Variants in PNPLA7 observed in about 807,000 individuals in gnomAD.
PNPLA7 encodes patatin-like phospholipase domain-containing protein 7.
In PNPLA7, 153 loss-of-function variants were observed where a neutral mutation model predicts 161.7. That is an observed-to-expected ratio of 0.95 (90% CI 0.83 to 1.08). The LOEUF (loss-of-function observed/expected upper bound fraction) is 1.08. PNPLA7 is among the 50% of genes least tolerant of loss of function. The pLI is 0.00. For synonymous variants in PNPLA7, 809 were observed against 782.1 expected, an observed-to-expected ratio of 1.03 and a Z score of -0.57; for missense variants, 1,739 against 1,856.6, an observed-to-expected ratio of 0.94 and a Z score of 1.16.
rs925092490 is a variant in PNPLA7, at chr9:137,496,040, G to A, written c.2014-894C>T. On this transcript the variant is annotated intron_variant, in intron 18 of 34. Coordinates refer to ENST00000406427, the MANE Select transcript of PNPLA7 (RefSeq NM_001098537.3). Reference sequence around the variant, plus strand: ...AAACACGGAGCAACACGGCACCTCCGACCTCAGAGGCTGCCTGAAGGCCAC... The same window carrying A: ...AAACACGGAGCAACACGGCACCTCCAACCTCAGAGGCTGCCTGAAGGCCAC... 3.3e-5 allele frequency among the ~76,000 whole-genome samples: 5 copies of A among 151,762 alleles called. No homozygotes were observed. In the East Asian group the frequency reaches 5.8e-4, roughly 18 times the overall value.
intron 20 of PNPLA7, chr9:137,492,191 T>C: frequency 4.1e-6 from 4 of 985,234 alleles, no homozygotes; most frequent in Non-Finnish European, 4.8e-6. Context: ...ATGAATATGC[T>C]GGAGCAGGGA....
chr9:137,518,321 CCCCA>C (rs1834753622), intron 11 of PNPLA7, among the ~76,000 whole-genome samples: 2 of 125,392 alleles, frequency 1.6e-5, no homozygotes, highest in Admixed American at 1.5e-4. Context: ...CCACTCCATC[CCCCA>C]CTCACTCACT....
intron 8 of PNPLA7, among the ~76,000 whole-genome samples, chr9:137,531,305 G>A (rs1835570687): frequency 1.3e-5 from 2 of 152,276 alleles, no homozygotes; most frequent in Admixed American, 6.5e-5. Flanking sequence ...GTTTGGGGGC[G>A]GGTGGGGAAA....
At chr9:137,497,423 A>G (rs975236429) in intron 17 of PNPLA7, 113 bp from the exon 18 acceptor site, 19 of 1,043,984 alleles carry the variant, frequency 1.8e-5, no homozygotes, top group Non-Finnish European at 2.1e-5. Flanking sequence ...CAGGCTTCTC[A>G]CTATCTTATT....
At chr9:137,482,903 T>C (rs1207561685) in intron 21 of PNPLA7, among the ~76,000 whole-genome samples, 1 of 152,236 alleles carries the variant, frequency 6.6e-6, no homozygotes, top group Non-Finnish European at 1.5e-5. Flanking sequence ...CACGGAGTCT[T>C]ACTCTGTTGC....
intron 8 of PNPLA7, among the ~76,000 whole-genome samples, chr9:137,527,862 C>T (rs528868306): frequency 6.6e-6 from 1 of 152,200 alleles, no homozygotes; most frequent in African/African-American, 2.4e-5. Flanking sequence ...GAAGTATTCC[C>T]CAGTGAAGTC....
rs913145405 is a variant in PNPLA7 at position 137,492,295 on chromosome 9, G to A, written c.2197+718C>T. The A allele has an allele frequency of 1.1e-4, 105 of 985,120 alleles. No individual in the cohort carries two copies. In the Middle Eastern group the frequency reaches 1.5e-3, roughly 15 times the overall value. The allele number at this position is 985,120 out of a possible 1,614,324, so 61.0% of individuals were successfully genotyped here. A position where few individuals can be genotyped will look rare whatever the true frequency, so the allele number is the denominator to read the frequency against. On this transcript the variant is annotated intron_variant, in intron 20 of 34. Coordinates refer to ENST00000406427, the MANE Select transcript of PNPLA7 (RefSeq NM_001098537.3). ...TCTCCGCTCCACCAATACCGTTTCC[G>A]GAGGTTTCACCCTGTTTCCTTTTTC...
At chr9:137,475,169 C>T (rs910886648) in intron 25 of PNPLA7, among the ~76,000 whole-genome samples, 6 of 151,876 alleles carry the variant, frequency 4.0e-5, no homozygotes, top group Non-Finnish European at 8.8e-5. Context: ...TCAGTGGATG[C>T]AAAAAGAGCC....
At position 137,462,218 on chromosome 9, in the gene PNPLA7, G is replaced by T. The variant is rs770675444; in HGVS notation, c.3606C>A (p.Ser1202Arg). The T allele has an allele frequency of 6.2e-7, 1 of 1,600,732 alleles. No homozygotes were observed. The highest frequency in any genetic ancestry group is 1.3e-5 in the African/African-American group (1 of 74,638). ...YCEYLRPPID[S>R]YSTLDFGKFN... ...ACTTGCCGAAGTCCAGGGTGCTGTA[G>T]CTGTCGATGGGGGGGCGCAGGTACT... The change falls in exon 31 of 35, where the codon AGC becomes AGA. Residue 1202 changes from serine (S) to arginine (R), a missense_variant. Ser to Arg is a moderately radical substitution (Grantham distance 110, BLOSUM62 -1). This residue lies in a region of PNPLA7 where 703 missense variants were observed against 694.6 expected (regional missense o/e 1.01). Transcript: ENST00000406427.
intron 10 of PNPLA7, among the ~76,000 whole-genome samples, chr9:137,521,352 G>A (rs1346934621): frequency 2.0e-5 from 3 of 152,254 alleles, no homozygotes; most frequent in South Asian, 2.1e-4. Context: ...TCCATCATCG[G>A]AGAAGGAATT....
chr9:137,537,721 G>A lies in PNPLA7; in HGVS notation c.747+2921C>T, dbSNP rs1221825863. Among the ~76,000 whole-genome samples, 2 of 152,170 alleles carry A rather than the reference G, an allele frequency of 1.3e-5. No homozygotes were observed. The highest frequency in any genetic ancestry group is 6.5e-5 in the Admixed American group (1 of 15,274). ...GCGGATGAGACGGATCGCAGCAGCT[G>A]AGAGGAACCCGGCCCGTCTCAGCGC... is the stretch of plus-strand genomic sequence containing the variant. On this transcript the variant is annotated intron_variant, in intron 8 of 34. Transcript: ENST00000406427. This position sits in a 1 kb window ranked among gnomAD's most constrained non-coding sequence, Gnocchi z 4.5.
intron 14 of PNPLA7, among the ~76,000 whole-genome samples, chr9:137,502,909 T>C (rs2132308894): frequency 6.6e-6 from 1 of 151,822 alleles, no homozygotes; most frequent in Middle Eastern, 3.4e-3. Flanking sequence ...AGTGACGTGC[T>C]ATGATGATGG....
Position 137,484,703 on chromosome 9 carries a change from T to G in PNPLA7, c.2231A>C (p.Lys744Thr), listed in dbSNP as rs781029054. The part of the protein sequence containing the change: ...HQLGLPTEGS[K>T]WDLGNPAVNL... ...GACAGCCGGGTTCCCCAAGTCCCAC[T>G]TGCTGCCCTCCGTGGGGAGCCCAAG... Residue 744 changes from lysine to threonine, a missense_variant, in exon 21 of 35, where the codon AAG becomes ACG. By Grantham distance (78) the Lys-to-Thr change is moderately conservative. Around this residue, in one of 6 missense-constraint regions of PNPLA7, gnomAD observed 192 missense variants for 249.5 expected, o/e 0.77. Transcript: ENST00000406427. The G allele has an allele frequency of 3.7e-6, 6 of 1,611,974 alleles. No homozygotes were observed. Among genetic ancestry groups the G allele is most frequent in the Non-Finnish European group, 5.1e-6 (6 of 1,179,126 alleles).
In PNPLA7 at chr9:137,492,275, G is replaced by A. The variant is rs965188803; in HGVS notation, c.2197+738C>T. 1.3e-5 allele frequency: 13 copies of A among 984,860 alleles called. No homozygotes were observed. In the African/African-American group the frequency reaches 1.6e-4, roughly 12 times the overall value. The allele number at this position is 984,860 out of a possible 1,614,324, so 61.0% of individuals were successfully genotyped here. A position where few individuals can be genotyped will look rare whatever the true frequency, so the allele number is the denominator to read the frequency against. On this transcript the variant is annotated intron_variant, in intron 20 of 34. Transcript: ENST00000406427. ...GAGCACAGGAGAGAGAGCACTCTCCGCTCCACCAATACCGTTTCCGGAGGT... is the reference window on the plus strand; with the variant it reads ...GAGCACAGGAGAGAGAGCACTCTCCACTCCACCAATACCGTTTCCGGAGGT...
rs183088669 is a variant in PNPLA7, at chr9:137,476,436, G to T, written c.2882+1598C>A. 9.2e-5 allele frequency among the ~76,000 whole-genome samples: 14 copies of T among 152,204 alleles called. No individual in the cohort carries two copies. In the East Asian group the frequency reaches 2.5e-3, roughly 27 times the overall value. On this transcript the variant is annotated intron_variant, in intron 25 of 34. Coordinates refer to ENST00000406427, the MANE Select transcript of PNPLA7 (RefSeq NM_001098537.3). The surrounding 1 kb of genome is among the most constrained non-coding windows in gnomAD (Gnocchi z 4.5). Reference sequence around the variant, plus strand: ...AAAGGAGGGAGACAGATGCATAGATGAGTGATTAATCAATAGTTAGCAGAC... The same window carrying T: ...AAAGGAGGGAGACAGATGCATAGATTAGTGATTAATCAATAGTTAGCAGAC...
Position 137,506,102 on chromosome 9 carries a change from C to A in PNPLA7, c.1226-19G>T. On this transcript the variant is annotated intron_variant, in intron 12 of 34. Coordinates refer to ENST00000406427, the MANE Select transcript of PNPLA7 (RefSeq NM_001098537.3). Reference sequence around the variant, plus strand: ...GGGCCCCCTACACACAGAGGGGACACTCAGGACACGGTTCGCTAGGCCACT... The same window carrying A: ...GGGCCCCCTACACACAGAGGGGACAATCAGGACACGGTTCGCTAGGCCACT... The A allele has an allele frequency of 2.5e-6, 4 of 1,601,390 alleles. No individual in the cohort carries two copies. Among genetic ancestry groups the A allele is most frequent in the Non-Finnish European group, 2.6e-6 (3 of 1,172,906 alleles).
At chr9:137,528,030 T>C (rs1393239207) in intron 8 of PNPLA7, among the ~76,000 whole-genome samples, 1 of 152,238 alleles carries the variant, frequency 6.6e-6, no homozygotes, top group Non-Finnish European at 1.5e-5. Context: ...TTTATGGGCA[T>C]AAAGCTGTTC....
intron 14 of PNPLA7, among the ~76,000 whole-genome samples, chr9:137,502,017 G>A (rs1022316635): frequency 6.6e-6 from 1 of 152,278 alleles, no homozygotes; most frequent in Non-Finnish European, 1.5e-5. Context: ...AAAAGAGAGA[G>A]GATGTCATTT....
chr9:137,547,793 C>CG lies in PNPLA7; in HGVS notation c.31-135dup. On this transcript the variant is annotated intron_variant, in intron 1 of 34. Coordinates refer to ENST00000406427, the MANE Select transcript of PNPLA7 (RefSeq NM_001098537.3). The surrounding 1 kb of genome is among the most constrained non-coding windows in gnomAD (Gnocchi z 4.6). ...GGAGACTTCTGGGAAGAAGTGATCT[C>CG]GCCCGGGGTGCCGGGGTCCTCTGAG... 1.2e-6 allele frequency: 1 copy of CG among 849,220 alleles called. No individual in the cohort carries two copies. Among genetic ancestry groups the CG allele is most frequent in the Non-Finnish European group, 1.9e-6 (1 of 523,544 alleles). The allele number at this position is 849,220 out of a possible 1,614,324, so 52.6% of individuals were successfully genotyped here.
Sources: allele counts gnomAD v4.1 joint callset (sites outside exome capture counted in the v4.1 genomes callset), GRCh38; gene constraint gnomAD v4.1.1; regional missense constraint gnomAD v4.1.1; non-coding constraint Gnocchi (gnomAD v3.1); transcripts MANE v1.5; gene names NCBI Gene and HGNC (gene_info 2026-07-23, HGNC 2026-07-21).